Variants in SHROOM4 observed in about 807,000 individuals in gnomAD.
SHROOM4 encodes protein Shroom4.
Under a neutral mutation model 80.3 loss-of-function variants are expected in SHROOM4, and 17 were observed. That is an observed-to-expected ratio of 0.21 (90% confidence interval 0.14 to 0.32). The LOEUF is 0.32. Ranked by LOEUF, SHROOM4 falls within the 10% of genes least tolerant of loss-of-function variation. The probability of loss-of-function intolerance (pLI) is 1.00; values close to 1 mark genes in which losing one functional copy is unlikely to be tolerated. For synonymous variants in SHROOM4, 400 were observed against 437.5 expected, an observed-to-expected ratio of 0.91 and a Z score of 1.07; for missense variants, 993 against 1,140.3, an observed-to-expected ratio of 0.87 and a Z score of 1.86.
intron 1 of SHROOM4, among the ~76,000 whole-genome samples, chrX:50,800,851 T>C (rs782424491): frequency 2.9e-4 from 32 of 110,090 alleles, no homozygotes; most frequent in Non-Finnish European, 5.3e-4. Flanking sequence ...AAAGAAACCA[T>C]TGAGGAGGCC....
chrX:50,615,386 C>T (rs1250051010), intron 5 of SHROOM4, among the ~76,000 whole-genome samples: 1 of 110,894 alleles, frequency 9.0e-6, no homozygotes, highest in East Asian at 2.8e-4. Context: ...TAGAATTCCA[C>T]TGAGATATCA....
intron 5 of SHROOM4, among the ~76,000 whole-genome samples, chrX:50,612,823 A>T (rs1930059658): frequency 9.3e-6 from 1 of 107,779 alleles, no homozygotes; most frequent in Admixed American, 9.7e-5. Flanking sequence ...TAACAATTCA[A>T]CATCACTTCC....
chrX:50,797,896 G>C (rs1230064575), intron 1 of SHROOM4, among the ~76,000 whole-genome samples: 2 of 111,508 alleles, frequency 1.8e-5, no homozygotes, highest in Non-Finnish European at 3.8e-5. Flanking sequence ...TTGCCACTGG[G>C]AAGGGAAATT....
At chrX:50,762,858 G>A (rs57672039) in intron 1 of SHROOM4, among the ~76,000 whole-genome samples, 10,419 of 111,098 alleles carry the variant, frequency 0.094, 1,252 homozygotes, top group African/African-American at 0.32. Flanking sequence ...CATTTTAACT[G>A]TAATATACTT....
chrX:50,579,109 A>T, the SHROOM4 span, among the ~76,000 whole-genome samples: 20 of 112,276 alleles, frequency 1.8e-4, no homozygotes, highest in Non-Finnish European at 5.6e-5. Context: ...AGATACTGAT[A>T]AATTTAAGAA....
At chrX:50,732,660 C>T (rs1359282980) in intron 1 of SHROOM4, among the ~76,000 whole-genome samples, 1 of 111,734 alleles carries the variant, frequency 8.9e-6, no homozygotes, top group Non-Finnish European at 1.9e-5. Flanking sequence ...TATATGCCAA[C>T]AGATTAGATA....
chrX:50,804,729 C>T (rs1480076863), intron 1 of SHROOM4, among the ~76,000 whole-genome samples: 1 of 112,139 alleles, frequency 8.9e-6, no homozygotes, highest in Non-Finnish European at 1.9e-5. Context: ...ACATGTAAAA[C>T]ACCTAGAAAA....
At chrX:50,652,640 T>C (rs1932146414) in intron 2 of SHROOM4, among the ~76,000 whole-genome samples, 2 of 112,277 alleles carry the variant, frequency 1.8e-5, no homozygotes, top group Non-Finnish European at 3.8e-5. Context: ...ACATGAAGTC[T>C]TTGCCCATGG....
At chrX:50,701,503 T>G (rs1280449035) in intron 1 of SHROOM4, among the ~76,000 whole-genome samples, 1 of 111,782 alleles carries the variant, frequency 8.9e-6, no homozygotes, top group African/African-American at 3.3e-5. Context: ...CTATCAGTGT[T>G]TGTGGCAAAT....
At chrX:50,767,299 G>C (rs1935297260) in intron 1 of SHROOM4, among the ~76,000 whole-genome samples, 2 of 111,854 alleles carry the variant, frequency 1.8e-5, no homozygotes, top group South Asian at 7.4e-4. Flanking sequence ...AGCAAAATCT[G>C]GCATGTCAAT....
intron 1 of SHROOM4, among the ~76,000 whole-genome samples, chrX:50,796,698 C>T (rs782153877): frequency 9.0e-6 from 1 of 110,674 alleles, no homozygotes; most frequent in South Asian, 3.9e-4. Context: ...AATCCAGAAA[C>T]CAGACATAAA....
At chrX:50,613,399 C>A (rs1454756267) in intron 5 of SHROOM4, among the ~76,000 whole-genome samples, 1 of 112,054 alleles carries the variant, frequency 8.9e-6, no homozygotes, top group Non-Finnish European at 1.9e-5. Flanking sequence ...CAGGCATGTG[C>A]CACTGTGCGC....
At chrX:50,620,310 A>C (rs1256369366) in intron 5 of SHROOM4, among the ~76,000 whole-genome samples, 1 of 111,550 alleles carries the variant, frequency 9.0e-6, no homozygotes, top group Non-Finnish European at 1.9e-5. Context: ...TTTTTTGTTA[A>C]TATTACAACC....
intron 1 of SHROOM4, among the ~76,000 whole-genome samples, chrX:50,806,893 C>G (rs371091617): frequency 1.1e-4 from 12 of 112,262 alleles, no homozygotes; most frequent in South Asian, 3.8e-4. Context: ...CTTATGAATG[C>G]ATTGTTTCCC....
At chrX:50,653,318 T>C (rs1932184465) in intron 2 of SHROOM4, among the ~76,000 whole-genome samples, 1 of 111,617 alleles carries the variant, frequency 9.0e-6, no homozygotes, top group Admixed American at 9.6e-5. Context: ...TTTTATTCTC[T>C]TTGTAGCAAT....
intron 2 of SHROOM4, among the ~76,000 whole-genome samples, chrX:50,689,375 A>C (rs181912347): frequency 1.8e-5 from 2 of 111,995 alleles, no homozygotes; most frequent in Non-Finnish European, 3.8e-5. Flanking sequence ...TATGGAGAGC[A>C]TGGCTAAACC....
intron 2 of SHROOM4, among the ~76,000 whole-genome samples, chrX:50,689,276 A>T (rs1557262499): frequency 9.0e-6 from 1 of 111,722 alleles, no homozygotes. Flanking sequence ...ATTGGTAAGG[A>T]AATGAGAGTG....
At chrX:50,803,104 C>A (rs1296191973) in intron 1 of SHROOM4, among the ~76,000 whole-genome samples, 1 of 111,958 alleles carries the variant, frequency 8.9e-6, no homozygotes, top group Non-Finnish European at 1.9e-5. Flanking sequence ...GTAGGAGAAT[C>A]GCTTGAACCC....
intron 2 of SHROOM4, among the ~76,000 whole-genome samples, chrX:50,650,439 C>A (rs1931996771): frequency 8.9e-6 from 1 of 111,830 alleles, no homozygotes; most frequent in Non-Finnish European, 1.9e-5. Flanking sequence ...CAACCTCCGC[C>A]TCCCAGGTTC....
Sources: allele counts gnomAD v4.1 joint callset (sites outside exome capture counted in the v4.1 genomes callset), GRCh38; gene constraint gnomAD v4.1.1; transcripts MANE v1.5; gene names NCBI Gene and HGNC (gene_info 2026-07-23, HGNC 2026-07-21).